Variants in SAMMSON observed in about 807,000 individuals in gnomAD.
SAMMSON encodes the protein survival associated mitochondrial melanoma specific oncogenic non-coding RNA, also known as long intergenic non-protein coding RNA 1212.
At chr3:70,116,900 T>C (rs1244271013) in intron 4 of SAMMSON, among the ~76,000 whole-genome samples, 2 of 152,206 alleles carry the variant, frequency 1.3e-5, no homozygotes, top group African/African-American at 4.8e-5. Context: ...ATAACTGTAA[T>C]TGAAAATTAT....
At chr3:70,360,858 A>C (rs1702865788) in intron 9 of SAMMSON, among the ~76,000 whole-genome samples, 1 of 152,192 alleles carries the variant, frequency 6.6e-6, no homozygotes, top group East Asian at 1.9e-4. Context: ...AGTCTAATAT[A>C]ATTCTAAATG....
chr3:70,124,901 T>A (rs1297045117), intron 4 of SAMMSON, among the ~76,000 whole-genome samples: 1 of 145,606 alleles, frequency 6.9e-6, no homozygotes, highest in African/African-American at 2.6e-5. Context: ...AAAATACATA[T>A]AATATAGTTC....
chr3:70,051,793 T>G (rs2067147441), intron 3 of SAMMSON, among the ~76,000 whole-genome samples: 2 of 152,082 alleles, frequency 1.3e-5, no homozygotes. Flanking sequence ...AAAAGTAATA[T>G]TTAATTTTAT....
At chr3:70,175,914 G>A (rs1442828728) in intron 4 of SAMMSON, among the ~76,000 whole-genome samples, 5 of 151,994 alleles carry the variant, frequency 3.3e-5, no homozygotes, top group East Asian at 1.9e-4. Flanking sequence ...TGGGGCCACC[G>A]AAACACCTTT....
At chr3:70,152,397 G>A (rs1458426152) in intron 4 of SAMMSON, among the ~76,000 whole-genome samples, 2 of 151,990 alleles carry the variant, frequency 1.3e-5, no homozygotes, top group African/African-American at 4.8e-5. Context: ...TGAGTGAAAT[G>A]CCTACTACCA....
At chr3:70,349,466 A>G (rs542669071) in intron 7 of SAMMSON, among the ~76,000 whole-genome samples, 11 of 152,140 alleles carry the variant, frequency 7.2e-5, no homozygotes, top group Non-Finnish European at 1.3e-4. Context: ...TTATTTGTTC[A>G]CCTCATTACA....
chr3:70,075,294 A>T (rs2067244685), intron 4 of SAMMSON: 1 of 152,118 alleles, frequency 6.6e-6, no homozygotes, highest in South Asian at 2.1e-4. Flanking sequence ...CTGTTTCTTA[A>T]AATAGCAATG....
chr3:70,211,952 C>T (rs189660969), intron 4 of SAMMSON, among the ~76,000 whole-genome samples: 172 of 151,772 alleles, frequency 1.1e-3, no homozygotes, highest in Non-Finnish European at 1.1e-3. Flanking sequence ...CCTTGACTGA[C>T]CTAGCCCATC....
intron 4 of SAMMSON, among the ~76,000 whole-genome samples, chr3:70,212,273 A>G (rs1243052234): frequency 6.6e-6 from 1 of 152,154 alleles, no homozygotes; most frequent in Non-Finnish European, 1.5e-5. Context: ...TCACACTTGT[A>G]ACTGTCTATT....
chr3:70,125,788 C>T (rs918244111), intron 4 of SAMMSON: 26 of 657,376 alleles, frequency 4.0e-5, no homozygotes, highest in East Asian at 1.1e-4. Flanking sequence ...TCTCACATGG[C>T]GCTGCCTTAT....
chr3:70,366,492 G>GGTT (rs772373929), intron 9 of SAMMSON, among the ~76,000 whole-genome samples: 4 of 100,770 alleles, frequency 4.0e-5, no homozygotes, highest in East Asian at 5.6e-4. Flanking sequence ...GTGTTTTTAT[G>GGTT]TTTTTTTTTT....
rs143845000 is a variant in SAMMSON at position 70,254,238 on chromosome 3, CT to C, written n.674+4569del. On this transcript the variant is annotated intron_variant and non_coding_transcript_variant, in intron 6 of 9. Transcript: ENST00000642114. ...CAGCTGTGAAGTCTGCATTTGAATT[CT>C]GTTAAGTTTAATGGATAAATTAAAG... Among the ~76,000 whole-genome samples, 707 of 152,186 alleles carry C rather than the reference CT, an allele frequency of 4.6e-3. 5 individuals are homozygous for C. The highest frequency in any genetic ancestry group is 7.9e-3 in the Non-Finnish European group (540 of 67,990).
chr3:70,418,909 A>T (rs536329376), intron 2 of SAMMSON, among the ~76,000 whole-genome samples: 1 of 120,178 alleles, frequency 8.3e-6, no homozygotes, highest in East Asian at 3.2e-4. Context: ...CAAGGGTTTG[A>T]TGTTTGCTTT....
chr3:70,287,358 A>G (rs1386143591), intron 6 of SAMMSON, among the ~76,000 whole-genome samples: 2 of 149,586 alleles, frequency 1.3e-5, no homozygotes, highest in Non-Finnish European at 3.0e-5. Context: ...GCTGGATTAC[A>G]TTTATTGATT....
At chr3:70,206,956 G>T (rs1701297206) in intron 4 of SAMMSON, among the ~76,000 whole-genome samples, 1 of 151,092 alleles carries the variant, frequency 6.6e-6, no homozygotes, top group African/African-American at 2.4e-5. Flanking sequence ...ATATGAGAAA[G>T]AAGAGTGCAA....
intron 3 of SAMMSON, among the ~76,000 whole-genome samples, chr3:70,035,704 CTGG>C (rs2067082931): frequency 6.6e-6 from 1 of 152,120 alleles, no homozygotes; most frequent in Non-Finnish European, 1.5e-5. Flanking sequence ...AGGAGGCAGG[CTGG>C]TGATAACCTT....
intron 7 of SAMMSON, among the ~76,000 whole-genome samples, chr3:70,338,690 AC>A (rs1463908634): frequency 6.6e-6 from 1 of 152,180 alleles, no homozygotes; most frequent in Non-Finnish European, 1.5e-5. Flanking sequence ...AAACAAACTT[AC>A]AAGGGATATG....
chr3:70,286,700 G>A (rs1702167933), intron 6 of SAMMSON, among the ~76,000 whole-genome samples: 1 of 152,092 alleles, frequency 6.6e-6, no homozygotes, highest in African/African-American at 2.4e-5. Flanking sequence ...AGCATGGAAT[G>A]TTCTTCCATT....
intron 9 of SAMMSON, among the ~76,000 whole-genome samples, chr3:70,365,045 G>A (rs1024566698): frequency 6.6e-6 from 1 of 151,396 alleles, no homozygotes; most frequent in African/African-American, 2.4e-5. Flanking sequence ...CATTTATTAA[G>A]GTTCATTCTT....
Sources: allele counts gnomAD v4.1 joint callset (sites outside exome capture counted in the v4.1 genomes callset), GRCh38; gene constraint gnomAD v4.1.1; transcripts MANE v1.5; gene names NCBI Gene and HGNC (gene_info 2026-07-23, HGNC 2026-07-21).